MAF: variants seen among roughly 807,000 people sequenced by gnomAD.
MAF encodes MAF bZIP transcription factor.
In MAF, 10 loss-of-function variants were observed where a neutral mutation model predicts 22.0. The ratio of observed to expected loss-of-function variants is 0.45; its 90% confidence interval spans 0.28 to 0.77. The LOEUF (loss-of-function observed/expected upper bound fraction) is 0.77, where lower values mean the gene tolerates loss of function less well. MAF is among the 30% of genes least tolerant of loss of function. MAF has a pLI of 0.12. For missense variants in MAF, 544 were observed against 548.4 expected (o/e 0.99, Z 0.08); for synonymous variants, 337 against 255.8 (o/e 1.32, Z -3.03).
At chr16:79,245,649 C>T in the MAF span, among the ~76,000 whole-genome samples, 2 of 152,022 alleles carry the variant, frequency 1.3e-5, no homozygotes, top group East Asian at 3.9e-4. Context: ...GACAGTGTGG[C>T]AATTCCTCAA....
chr16:79,437,587 C>T, the MAF span, among the ~76,000 whole-genome samples: 369 of 152,230 alleles, frequency 2.4e-3, no homozygotes, highest in African/African-American at 8.5e-3. Context: ...CCCAAGGAGG[C>T]CTGTGTGCCC....
chr16:79,331,836 A>C, the MAF span, among the ~76,000 whole-genome samples: 1 of 152,172 alleles, frequency 6.6e-6, no homozygotes, highest in Non-Finnish European at 1.5e-5. Flanking sequence ...GCTCCTCCTC[A>C]GATGCCCACC....
chr16:79,334,308 C>A, the MAF span, among the ~76,000 whole-genome samples: 1 of 152,272 alleles, frequency 6.6e-6, no homozygotes, highest in East Asian at 1.9e-4. Context: ...ATGGTCAAAG[C>A]GTCCAGACCC....
the MAF span, among the ~76,000 whole-genome samples, chr16:79,448,778 C>G: frequency 6.6e-6 from 1 of 151,784 alleles, no homozygotes; most frequent in South Asian, 2.1e-4. Flanking sequence ...ACACACAATG[C>G]TACTACAGAC....
chr16:79,595,455 T>C (rs921614338), intron 1 of MAF: 6 of 1,057,670 alleles, frequency 5.7e-6, no homozygotes, highest in African/African-American at 1.6e-5. Flanking sequence ...ACAAAAGTCA[T>C]CGTGTTTGGC....
At chr16:79,546,541 T>C in the MAF span, among the ~76,000 whole-genome samples, 4 of 152,340 alleles carry the variant, frequency 2.6e-5, no homozygotes, top group Non-Finnish European at 4.4e-5. Flanking sequence ...TTCCATTTCA[T>C]ATAAGATTAT....
chr16:79,562,844 G>A, the MAF span, among the ~76,000 whole-genome samples: 1 of 152,182 alleles, frequency 6.6e-6, no homozygotes, highest in Non-Finnish European at 1.5e-5. Context: ...CGTCATACTT[G>A]CCTGCCTGGA....
At position 79,599,230 on chromosome 16, in the gene MAF, C is replaced by T. The variant is rs867010422; in HGVS notation, c.673G>A (p.Gly225Arg). The change falls in exon 1 of 2, where the codon GGG becomes AGG. Residue 225 changes from glycine (G) to arginine (R), a missense_variant. By Grantham distance (125) the Gly-to-Arg change is moderately radical. Transcript: ENST00000326043. ...CCGCCGCCGCCGCCGCCGCCGCCCC[C>T]AGCGCTGGCCGGGCCACCGCCGCCC... is the stretch of plus-strand genomic sequence containing the variant. ...GAGGGGPASA[G>R]GGGGGGGGGG... 2 of 978,656 alleles carry T rather than the reference C, an allele frequency of 2.0e-6. No individual in the cohort carries two copies. The highest frequency in any genetic ancestry group is 2.4e-6 in the Non-Finnish European group (2 of 827,300). 60.6% of individuals were successfully genotyped at this position (978,656 alleles called of 1,614,324 possible). A position where few individuals can be genotyped will look rare whatever the true frequency, so the allele number is the denominator to read the frequency against.
the MAF span, among the ~76,000 whole-genome samples, chr16:79,399,596 T>C: frequency 2.6e-5 from 4 of 152,154 alleles, no homozygotes; most frequent in Non-Finnish European, 4.4e-5. Flanking sequence ...GGCTTGTCAC[T>C]GATACGCCCC....
the MAF span, among the ~76,000 whole-genome samples, chr16:79,397,172 A>T: frequency 3.3e-5 from 5 of 152,374 alleles, no homozygotes; most frequent in East Asian, 9.6e-4. Flanking sequence ...TACTGTTTGA[A>T]TTAATCATTG....
the MAF span, among the ~76,000 whole-genome samples, chr16:79,571,063 G>A: frequency 6.6e-6 from 1 of 151,278 alleles, no homozygotes; most frequent in Non-Finnish European, 1.5e-5. Flanking sequence ...GTCTGGCACT[G>A]ATGACTGTGT....
At chr16:79,369,591 G>T in the MAF span, among the ~76,000 whole-genome samples, 14 of 152,168 alleles carry the variant, frequency 9.2e-5, no homozygotes, top group African/African-American at 2.9e-4. Flanking sequence ...ACAGCCTCAG[G>T]GATTCTGACA....
chr16:79,347,476 A>G, the MAF span, among the ~76,000 whole-genome samples: 69 of 152,312 alleles, frequency 4.5e-4, no homozygotes, highest in Middle Eastern at 3.4e-3. Context: ...ATCTGTTTTA[A>G]TGGGCATCTG....
At chr16:79,530,454 GA>G in the MAF span, among the ~76,000 whole-genome samples, 5 of 151,936 alleles carry the variant, frequency 3.3e-5, no homozygotes, top group Admixed American at 2.0e-4. Context: ...TTTCTCAGGG[GA>G]AAAAAATTTT....
chr16:79,305,308 C>T, the MAF span, among the ~76,000 whole-genome samples: 3 of 152,318 alleles, frequency 2.0e-5, no homozygotes, highest in East Asian at 1.9e-4. Flanking sequence ...CCACTACCGA[C>T]CCGCCTGTGC....
chr16:79,423,682 G>C, the MAF span, among the ~76,000 whole-genome samples: 1 of 152,126 alleles, frequency 6.6e-6, no homozygotes, highest in Non-Finnish European at 1.5e-5. Context: ...TTTGCTATCT[G>C]GTCCTTTATA....
chr16:79,410,297 G>A, the MAF span, among the ~76,000 whole-genome samples: 143 of 152,312 alleles, frequency 9.4e-4, no homozygotes, highest in South Asian at 3.7e-3. Flanking sequence ...TGCCCAATTT[G>A]CGAATCTTTC....
rs562376619 is a variant in MAF at position 79,599,481 on chromosome 16, G to T, written c.422C>A (p.Ala141Glu). The T allele has an allele frequency of 7.1e-7, 1 of 1,400,954 alleles. No homozygotes were observed. Among genetic ancestry groups the T allele is most frequent in the Non-Finnish European group, 9.2e-7 (1 of 1,086,620 alleles). The allele number at this position is 1,400,954 out of a possible 1,614,324, so 86.8% of individuals were successfully genotyped here. The change falls in exon 1 of 2, where the codon GCG becomes GAG. Residue 141 changes from alanine (A) to glutamate (E), a missense_variant. Physicochemically the swap from Ala to Glu is moderately radical, Grantham distance 107. Around this residue, in one of 5 missense-constraint regions of MAF, gnomAD observed 342 missense variants for 315.5 expected, o/e 1.08. Transcript: ENST00000326043. ...GGAGGCGCCGGCACCGGCCCCGGCC[G>T]CCGCGGCCAGCTGCTGCGCCCCGCG... is the stretch of plus-strand genomic sequence containing the variant. ...YARGAQQLAA[A>E]AGAGAGASLG...
At chr16:79,528,169 A>G in the MAF span, among the ~76,000 whole-genome samples, 1 of 152,116 alleles carries the variant, frequency 6.6e-6, no homozygotes, top group African/African-American at 2.4e-5. Context: ...GAATTTAAGG[A>G]TTCAGTTCAA....
Sources: allele counts gnomAD v4.1 joint callset (sites outside exome capture counted in the v4.1 genomes callset), GRCh38; gene constraint gnomAD v4.1.1; regional missense constraint gnomAD v4.1.1; transcripts MANE v1.5; gene names NCBI Gene and HGNC (gene_info 2026-07-23, HGNC 2026-07-21).